The following FER variants were observed in gnomAD, a reference collection of about 807,000 sequenced individuals.
The protein encoded by FER is FER tyrosine kinase, also known as tyrosine-protein kinase Fer.
Under a neutral mutation model 111.0 loss-of-function variants are expected in FER, and 63 were observed. That is an observed-to-expected ratio of 0.57 (90% CI 0.46 to 0.70). The LOEUF (loss-of-function observed/expected upper bound fraction) is 0.70. FER is among the 30% of genes least tolerant of loss of function. The probability of loss-of-function intolerance (pLI) is 0.00; values close to 1 mark genes in which losing one functional copy is unlikely to be tolerated. For missense variants in FER, 914 were observed against 954.0 expected, an observed-to-expected ratio of 0.96 and a Z score of 0.55; for synonymous variants, 327 against 313.9, an observed-to-expected ratio of 1.04 and a Z score of -0.44.
chr5:108,819,442 G>C (rs985130837), intron 3 of FER, among the ~76,000 whole-genome samples: 2 of 152,134 alleles, frequency 1.3e-5, no homozygotes, highest in East Asian at 3.9e-4. Flanking sequence ...TTTTGTATTT[G>C]AATGTGAGCT....
At chr5:108,774,958 G>A (rs1004082927) in intron 2 of FER, among the ~76,000 whole-genome samples, 3 of 152,124 alleles carry the variant, frequency 2.0e-5, no homozygotes, top group African/African-American at 7.2e-5. Context: ...TCATCATGAA[G>A]TCTTTGCTCA....
chr5:108,977,482 A>G (rs1371324516), intron 13 of FER, among the ~76,000 whole-genome samples: 2 of 152,176 alleles, frequency 1.3e-5, no homozygotes, highest in Non-Finnish European at 2.9e-5. Context: ...AAGTCCATGT[A>G]TAAGTGAATC....
At chr5:108,843,532 T>C (rs1761491358) in intron 5 of FER, among the ~76,000 whole-genome samples, 1 of 151,760 alleles carries the variant, frequency 6.6e-6, no homozygotes, top group African/African-American at 2.4e-5. Flanking sequence ...AGTTGAATTT[T>C]TTTTTTTTTT....
intron 3 of FER, among the ~76,000 whole-genome samples, chr5:108,822,858 C>T (rs796081099): frequency 6.6e-6 from 1 of 151,426 alleles, no homozygotes; most frequent in African/African-American, 2.4e-5. Flanking sequence ...GGCGCCATCT[C>T]GGCTCACTGC....
intron 17 of FER, among the ~76,000 whole-genome samples, chr5:109,136,951 A>G (rs1045930639): frequency 6.6e-6 from 1 of 152,204 alleles, no homozygotes; most frequent in African/African-American, 2.4e-5. Flanking sequence ...GATATCATCA[A>G]TTTGAAGCAA....
At chr5:108,819,944 T>C in intron 3 of FER, 2 of 985,310 alleles carry the variant, frequency 2.0e-6, no homozygotes, top group Non-Finnish European at 2.4e-6. Context: ...GACTTTGTTT[T>C]TTAAAAAAAT....
Position 109,180,881 on chromosome 5 carries a change from C to T in FER, c.2183C>T (p.Ala728Val). 1.2e-6 allele frequency: 2 copies of T among 1,609,642 alleles called. No individual in the cohort carries two copies. The highest frequency in any genetic ancestry group is 1.7e-6 in the Non-Finnish European group (2 of 1,178,528). Residue 728 changes from alanine (A) to valine (V), a missense_variant, in exon 18 of 20, where the codon GCA becomes GTA. Ala to Val is a moderately conservative substitution (Grantham distance 64). This residue lies in a region of FER where 134 missense variants were observed against 149.4 expected (regional missense o/e 0.90). Transcript: ENST00000281092. ...AAGCAGATTCCCATTAAATGGACAG[C>T]ACCGGAAGCTCTTAATTATGGTAAG... Reference protein sequence around the residue: ...GLKQIPIKWTAPEALNYGRYS... With the variant: ...GLKQIPIKWTVPEALNYGRYS...
At chr5:108,928,330 G>A (rs1754075861) in intron 10 of FER, among the ~76,000 whole-genome samples, 1 of 152,152 alleles carries the variant, frequency 6.6e-6, no homozygotes, top group Non-Finnish European at 1.5e-5. Flanking sequence ...CATACTTTCT[G>A]ATGGAATTCT....
intron 5 of FER, among the ~76,000 whole-genome samples, chr5:108,859,147 G>A (rs1236469009): frequency 6.6e-6 from 1 of 152,040 alleles, no homozygotes; most frequent in African/African-American, 2.4e-5. Context: ...CCACATCCTC[G>A]CCAACAGAGT....
intron 13 of FER, among the ~76,000 whole-genome samples, chr5:108,993,064 CA>C (rs1763465119): frequency 6.7e-6 from 1 of 150,020 alleles, no homozygotes; most frequent in Admixed American, 6.6e-5. Context: ...ACTGGGCAGC[CA>C]GGCAGAGGGG....
At chr5:108,927,662 C>T (rs1016495205) in intron 10 of FER, among the ~76,000 whole-genome samples, 1 of 152,174 alleles carries the variant, frequency 6.6e-6, no homozygotes, top group South Asian at 2.1e-4. Context: ...TTTATCCCTG[C>T]TCATTGTCGA....
chr5:109,063,680 A>G (rs1403921253), intron 16 of FER, among the ~76,000 whole-genome samples: 1 of 152,214 alleles, frequency 6.6e-6, no homozygotes, highest in Non-Finnish European at 1.5e-5. Context: ...TTTAAGATAT[A>G]GCAACTCAGT....
In FER at chr5:108,930,673, G is replaced by C. The variant is rs938424061; in HGVS notation, c.1237-15457G>C. ...TCTCGCTCTGTCTCCCAGGCTGGTT[G>C]TGCCATCTGGGTTCACTGCAACCTC... On this transcript the variant is annotated intron_variant, in intron 10 of 19. Transcript: ENST00000281092. Among the ~76,000 whole-genome samples the C allele has an allele frequency of 2.2e-5, 3 of 133,616 alleles. No individual in the cohort carries two copies. The Admixed American group carries it at 2.4e-4, about 11-fold the overall frequency. The allele number at this position is 133,616 out of a possible 152,430, so 87.7% of individuals were successfully genotyped here.
At chr5:108,863,883 G>A (rs1763771626) in intron 5 of FER, among the ~76,000 whole-genome samples, 1 of 152,084 alleles carries the variant, frequency 6.6e-6, no homozygotes, top group South Asian at 2.1e-4. Context: ...AGTTTGAAAA[G>A]TATTACTTTA....
intron 1 of FER, among the ~76,000 whole-genome samples, chr5:108,757,159 T>G (rs1407388864): frequency 6.6e-6 from 1 of 152,212 alleles, no homozygotes; most frequent in Admixed American, 6.5e-5. Flanking sequence ...TTAATGGTCC[T>G]GGATTTAATA....
At position 108,954,923 on chromosome 5, in the gene FER, A is replaced by C. The variant is rs1758240639; in HGVS notation, c.1524A>C (p.Gln508His). Residue 508 changes from glutamine to histidine, a missense_variant, in exon 12 of 20, where the codon CAA (glutamine) becomes CAC (histidine). Gln to His is a conservative substitution (Grantham distance 24). Around this residue, in one of 3 missense-constraint regions of FER, gnomAD observed 774 missense variants for 782.6 expected, o/e 0.99. Transcript: ENST00000281092. The part of the protein sequence containing the change: ...SDGQRRHFII[Q>H]YVDNMYRFEG... ...GACAGAGGAGACATTTTATCATACA[A>C]TATGTTGATGTACGTTTCCAGTTTA... is the stretch of plus-strand genomic sequence containing the variant. 3 of 1,606,410 alleles carry C rather than the reference A, an allele frequency of 1.9e-6. No individual in the cohort carries two copies. Among genetic ancestry groups the C allele is most frequent in the Non-Finnish European group, 2.6e-6 (3 of 1,176,410 alleles).
chr5:108,770,434 G>A (rs1473912550), intron 2 of FER, among the ~76,000 whole-genome samples: 1 of 152,128 alleles, frequency 6.6e-6, no homozygotes, highest in Non-Finnish European at 1.5e-5. Flanking sequence ...TTAATTCAAA[G>A]TTCTAATATG....
intron 1 of FER, among the ~76,000 whole-genome samples, chr5:108,754,560 C>T (rs925857678): frequency 2.0e-5 from 3 of 151,910 alleles, no homozygotes; most frequent in Non-Finnish European, 4.4e-5. Flanking sequence ...TATAATGCTA[C>T]ATAAGAAAAT....
chr5:108,811,820 G>C (rs1757791617), intron 3 of FER, among the ~76,000 whole-genome samples: 1 of 152,190 alleles, frequency 6.6e-6, no homozygotes, highest in South Asian at 2.1e-4. Flanking sequence ...AGGGCAGGAG[G>C]AGATGAATAT....
Sources: allele counts gnomAD v4.1 joint callset (sites outside exome capture counted in the v4.1 genomes callset), GRCh38; gene constraint gnomAD v4.1.1; regional missense constraint gnomAD v4.1.1; transcripts MANE v1.5; gene names NCBI Gene and HGNC (gene_info 2026-07-23, HGNC 2026-07-21).